Variants in MACF1 observed in about 807,000 individuals in gnomAD.
MACF1 encodes microtubule-actin cross-linking factor 1.
MACF1 carries 193 observed loss-of-function variants against 854.8 expected under a neutral mutation model. That is an observed-to-expected ratio of 0.23 (90% CI 0.20 to 0.25). MACF1 has a LOEUF of 0.25. Ranked by LOEUF, MACF1 falls within the 10% of genes least tolerant of loss-of-function variation. The pLI, the probability that MACF1 is intolerant of heterozygous loss-of-function variation, is 1.00. For missense variants in MACF1, 7,722 were observed against 8,929.1 expected (o/e 0.86, Z 5.45); for synonymous variants, 3,185 against 3,226.7 (o/e 0.99, Z 0.44).
intron 2 of MACF1, among the ~76,000 whole-genome samples, chr1:39,112,087 CTTTTTTTT>C (rs569400137): frequency 1.5e-5 from 2 of 133,612 alleles, no homozygotes; most frequent in Admixed American, 7.7e-5. Context: ...TTATTCAAAT[CTTTTTTTT>C]TTTTTTTTTG....
intron 2 of MACF1, among the ~76,000 whole-genome samples, chr1:39,143,738 A>G (rs1272428025): frequency 6.6e-6 from 1 of 152,150 alleles, no homozygotes; most frequent in Non-Finnish European, 1.5e-5. Context: ...CCCTGAGGGA[A>G]TTGCCAAGCC....
At chr1:39,253,961 G>C (rs1307363473) in intron 4 of MACF1, among the ~76,000 whole-genome samples, 1 of 152,224 alleles carries the variant, frequency 6.6e-6, no homozygotes, top group East Asian at 1.9e-4. Flanking sequence ...GCCAAAGTCT[G>C]TTCCCATTAA....
intron 89 of MACF1, 31 bp downstream of exon 89, chr1:39,455,128 G>A (rs769503089): frequency 1.9e-6 from 3 of 1,602,416 alleles, no homozygotes; most frequent in East Asian, 2.2e-5. Context: ...GATCACTGGT[G>A]TTTTCCGTGT....
At chr1:39,264,048 C>T (rs1645201023) in intron 6 of MACF1, among the ~76,000 whole-genome samples, 1 of 152,206 alleles carries the variant, frequency 6.6e-6, no homozygotes, top group Non-Finnish European at 1.5e-5. Context: ...ACTGGGATTA[C>T]AGGCATGAGC....
intron 58 of MACF1, chr1:39,410,846 T>C (rs766400114): frequency 1.2e-6 from 2 of 1,614,064 alleles, no homozygotes; most frequent in South Asian, 2.2e-5. Flanking sequence ...TCAGTAACTC[T>C]GGAACATGTG....
intron 6 of MACF1, chr1:39,269,856 G>T: frequency 1.7e-6 from 1 of 605,340 alleles, no homozygotes; most frequent in Non-Finnish European, 2.5e-6. Flanking sequence ...AGTATCTGCT[G>T]GAGCTCAGCA....
At chr1:39,276,563 T>C (rs1645441659) in intron 6 of MACF1, among the ~76,000 whole-genome samples, 1 of 152,226 alleles carries the variant, frequency 6.6e-6, no homozygotes. Context: ...ATCCACTTTC[T>C]ACGTGGAATT....
intron 2 of MACF1, among the ~76,000 whole-genome samples, chr1:39,135,720 C>T (rs1643149462): frequency 6.6e-6 from 1 of 152,076 alleles, no homozygotes; most frequent in African/African-American, 2.4e-5. Context: ...GAACCCTATA[C>T]AGAGGGTCCA....
intron 26 of MACF1, among the ~76,000 whole-genome samples, chr1:39,311,891 A>G (rs555510294): frequency 6.6e-6 from 1 of 152,278 alleles, no homozygotes; most frequent in East Asian, 1.9e-4. Flanking sequence ...ATGGCTAATG[A>G]GGAGGAGTGA....
intron 88 of MACF1, among the ~76,000 whole-genome samples, chr1:39,454,364 G>C (rs927568193): frequency 6.6e-6 from 1 of 152,092 alleles, no homozygotes; most frequent in Non-Finnish European, 1.5e-5. Flanking sequence ...GGTGGTACTG[G>C]GACCAGTCCC....
In MACF1 at chr1:39,291,941, A is replaced by T. The variant is rs1645798633; in HGVS notation, c.1817A>T (p.Asp606Val). ...MKLERAEWGNDLPSVELQLET... is the reference protein window; with the variant it reads ...MKLERAEWGNVLPSVELQLET... ...CTGGAGCGAGCAGAGTGGGGCAATGACCTGCCTAGTGTGGAGTTGCAGCTA... is the reference window on the plus strand; with the variant it reads ...CTGGAGCGAGCAGAGTGGGGCAATGTCCTGCCTAGTGTGGAGTTGCAGCTA... The change falls in exon 16 of 101, where the codon GAC (aspartate) becomes GTC (valine). Residue 606 changes from aspartate to valine, a missense_variant. Asp to Val is a radical substitution (Grantham distance 152). Transcript: ENST00000564288. The T allele has an allele frequency of 6.2e-7, 1 of 1,613,864 alleles. No homozygotes were observed. Among genetic ancestry groups the T allele is most frequent in the Non-Finnish European group, 8.5e-7 (1 of 1,179,984 alleles).
chr1:39,334,962 G>C lies in MACF1; in HGVS notation c.8374G>C (p.Asp2792His). 1 of 1,614,142 alleles carries C rather than the reference G, an allele frequency of 6.2e-7. No individual in the cohort carries two copies. The highest frequency in any genetic ancestry group is 8.5e-7 in the Non-Finnish European group (1 of 1,180,006). ...CALQNEFLGK[D>H]MLIACNQTAE... is the part of the protein sequence containing the mutation. ...ATTACAAAATGAATTTCTAGGAAAGGATATGTTAATTGCTTGTAATCAGAC... is the reference window on the plus strand; with the variant it reads ...ATTACAAAATGAATTTCTAGGAAAGCATATGTTAATTGCTTGTAATCAGAC... The change falls in exon 37 of 101, where the codon GAT becomes CAT. Residue 2792 changes from aspartate (D) to histidine (H), a missense_variant. Asp to His is a moderately conservative substitution (Grantham distance 81). Transcript: ENST00000564288.
chr1:39,102,442 G>GT (rs1403819736), intron 2 of MACF1, among the ~76,000 whole-genome samples: 2 of 149,530 alleles, frequency 1.3e-5, no homozygotes, highest in Non-Finnish European at 3.0e-5. Flanking sequence ...GGCGGGGGGG[G>GT]GGTCAAGGAA....
At chr1:39,208,502 G>T (rs59527424) in intron 1 of MACF1, among the ~76,000 whole-genome samples, 4,686 of 152,024 alleles carry the variant, frequency 0.031, 233 homozygotes, top group African/African-American at 0.11. Context: ...CACCCAGGCT[G>T]GAGTACAGTG....
At chr1:39,200,128 A>G (rs1296989905), upstream of MACF1, among the ~76,000 whole-genome samples, 1 of 152,188 alleles carries the variant, frequency 6.6e-6, no homozygotes, top group Non-Finnish European at 1.5e-5. Context: ...GACCTCCAGA[A>G]TGCTAAATTC....
chr1:39,363,607 T>TC (rs60455140), intron 49 of MACF1, among the ~76,000 whole-genome samples: 17 of 138,266 alleles, frequency 1.2e-4, no homozygotes, highest in East Asian at 4.2e-4. Flanking sequence ...TTTCTTTCTT[T>TC]TTTTTTTTTT....
At chr1:39,418,128 G>A (rs1643397443) in intron 58 of MACF1, among the ~76,000 whole-genome samples, 1 of 152,198 alleles carries the variant, frequency 6.6e-6, no homozygotes, top group East Asian at 1.9e-4. Context: ...AAATCAACAA[G>A]ATCTGATTGT....
At chr1:39,272,242 C>G (rs1645336381) in intron 6 of MACF1, among the ~76,000 whole-genome samples, 1 of 152,192 alleles carries the variant, frequency 6.6e-6, no homozygotes, top group Non-Finnish European at 1.5e-5. Flanking sequence ...GTCCTTAAGG[C>G]CAAGAGGCTG....
intron 1 of MACF1, among the ~76,000 whole-genome samples, chr1:39,217,240 CTATTTTATTTTATTTTATTT>C (rs60350458): frequency 0.033 from 4,517 of 135,892 alleles, 189 homozygotes; most frequent in African/African-American, 0.1. Context: ...GATTTAGGGT[CTATTTTATTTTATTTTATTT>C]TATTTTATTT....
Sources: allele counts gnomAD v4.1 joint callset (sites outside exome capture counted in the v4.1 genomes callset), GRCh38; gene constraint gnomAD v4.1.1; transcripts MANE v1.5; gene names NCBI Gene and HGNC (gene_info 2026-07-23, HGNC 2026-07-21).